The following ITPR2 variants were observed in gnomAD, a reference collection of about 807,000 sequenced individuals.
ITPR2 encodes inositol 1,4,5-trisphosphate-gated calcium channel ITPR2.
Under a neutral mutation model 317.1 loss-of-function variants are expected in ITPR2, and 207 were observed. The ratio of observed to expected loss-of-function variants is 0.65; its 90% CI spans 0.58 to 0.73. The LOEUF (loss-of-function observed/expected upper bound fraction) is 0.73. Among genes scored for constraint, ITPR2 ranks in the 30% least tolerant of loss-of-function variants. The pLI is 0.00. For synonymous variants in ITPR2, 1,156 were observed against 1,149.1 expected, an observed-to-expected ratio of 1.01 and a Z score of -0.12; for missense variants, 2,613 against 3,284.0, an observed-to-expected ratio of 0.80 and a Z score of 4.99.
At chr12:26,768,424 T>A (rs76681165) in intron 2 of ITPR2, among the ~76,000 whole-genome samples, 1 of 29,670 alleles carries the variant, frequency 3.4e-5, no homozygotes, top group Non-Finnish European at 9.7e-5. Context: ...TAAAAAAAAA[T>A]TAAAAAAAAA....
intron 37 of ITPR2, among the ~76,000 whole-genome samples, chr12:26,507,853 CTCTCTG>C (rs761094235): frequency 1.6e-3 from 176 of 107,480 alleles, no homozygotes; most frequent in Non-Finnish European, 2.8e-3. Context: ...CTACTCTTCT[CTCTCTG>C]TCTCTGTGTG....
At chr12:26,683,640 G>A (rs1195521071) in intron 11 of ITPR2, among the ~76,000 whole-genome samples, 8 of 152,228 alleles carry the variant, frequency 5.3e-5, no homozygotes, top group East Asian at 3.9e-4. Flanking sequence ...AAAATGTTGC[G>A]ACCAGAAGCT....
chr12:26,764,747 C>T (rs1565746164), intron 2 of ITPR2, among the ~76,000 whole-genome samples: 5 of 151,976 alleles, frequency 3.3e-5, no homozygotes, highest in Admixed American at 2.6e-4. Flanking sequence ...CCTGAACAGA[C>T]ACCTTACCAG....
At chr12:26,369,984 T>G (rs1163626324) in intron 55 of ITPR2, among the ~76,000 whole-genome samples, 1 of 152,192 alleles carries the variant, frequency 6.6e-6, no homozygotes, top group African/African-American at 2.4e-5. Context: ...AGAAGGGTGA[T>G]GTACCCAGAT....
At chr12:26,783,031 G>A (rs1323076820) in intron 2 of ITPR2, among the ~76,000 whole-genome samples, 1 of 152,176 alleles carries the variant, frequency 6.6e-6, no homozygotes, top group Non-Finnish European at 1.5e-5. Context: ...ACCTCCATGA[G>A]CAGAGGCAAA....
At chr12:26,372,480 T>C (rs964860065) in intron 55 of ITPR2, among the ~76,000 whole-genome samples, 3 of 152,350 alleles carry the variant, frequency 2.0e-5, no homozygotes, top group East Asian at 1.9e-4. Flanking sequence ...CAGATGAAGA[T>C]ACTGAGGTAC....
At chr12:26,514,314 G>A (rs555109747) in intron 37 of ITPR2, among the ~76,000 whole-genome samples, 3 of 152,304 alleles carry the variant, frequency 2.0e-5, no homozygotes, top group South Asian at 2.1e-4. Context: ...AAAACAAAGC[G>A]ATTACAGTAT....
intron 37 of ITPR2, among the ~76,000 whole-genome samples, chr12:26,530,476 T>C (rs1440984921): frequency 6.6e-6 from 1 of 152,242 alleles, no homozygotes; most frequent in African/African-American, 2.4e-5. Flanking sequence ...TGGAGATTTT[T>C]ACTTTCTTGA....
chr12:26,806,975 T>C (rs1236834427), intron 1 of ITPR2, among the ~76,000 whole-genome samples: 5 of 152,098 alleles, frequency 3.3e-5, no homozygotes, highest in Non-Finnish European at 7.4e-5. Flanking sequence ...GAAATATATA[T>C]ATATGCACTA....
rs544139472 is a variant in ITPR2 at position 26,534,902 on chromosome 12, T to A, written c.5073+15345A>T. Among the ~76,000 whole-genome samples, 4 of 152,366 alleles carry A rather than the reference T, an allele frequency of 2.6e-5. No individual in the cohort carries two copies. In the East Asian group the frequency reaches 7.7e-4, roughly 29 times the overall value. On this transcript the variant is annotated intron_variant, in intron 37 of 56. Coordinates refer to ENST00000381340, the MANE Select transcript of ITPR2 (RefSeq NM_002223.4). Reference sequence around the variant, plus strand: ...AACAGGGTTAGGATCAATATCTGTGTGAAGCATTTTTCATTCTTAAGGTTA... The same window carrying A: ...AACAGGGTTAGGATCAATATCTGTGAGAAGCATTTTTCATTCTTAAGGTTA...
At chr12:26,591,979 C>T (rs1945721085) in intron 32 of ITPR2, among the ~76,000 whole-genome samples, 1 of 152,120 alleles carries the variant, frequency 6.6e-6, no homozygotes, top group Admixed American at 6.5e-5. Flanking sequence ...TCACAATAGC[C>T]AAAATTTGGA....
intron 51 of ITPR2, among the ~76,000 whole-genome samples, chr12:26,412,556 C>G (rs77828937): frequency 0.02 from 3,096 of 152,180 alleles, 117 homozygotes; most frequent in African/African-American, 0.071. Flanking sequence ...GGAAGAACAA[C>G]AGTTAGCTAG....
chr12:26,357,561 T>C (rs1342965684), intron 55 of ITPR2, among the ~76,000 whole-genome samples: 5 of 152,240 alleles, frequency 3.3e-5, no homozygotes, highest in African/African-American at 9.6e-5. Context: ...TTATAGCAAA[T>C]TATTGACCAA....
At chr12:26,812,598 A>G (rs1393627956) in intron 1 of ITPR2, among the ~76,000 whole-genome samples, 1 of 152,178 alleles carries the variant, frequency 6.6e-6, no homozygotes, top group Non-Finnish European at 1.5e-5. Flanking sequence ...ACCTAATACT[A>G]ATTTTTAAAT....
intron 21 of ITPR2, among the ~76,000 whole-genome samples, chr12:26,645,808 G>A (rs1410100285): frequency 6.6e-6 from 1 of 152,182 alleles, no homozygotes; most frequent in Admixed American, 6.5e-5. Context: ...ACTGGGAAGA[G>A]TCTGTAATAG....
chr12:26,614,884 A>G (rs1434606547), intron 26 of ITPR2, among the ~76,000 whole-genome samples: 1 of 152,234 alleles, frequency 6.6e-6, no homozygotes, highest in South Asian at 2.1e-4. Flanking sequence ...TGGATACATG[A>G]CATTATGCAT....
intron 55 of ITPR2, chr12:26,373,700 G>T (rs1167123097): frequency 2.6e-5 from 4 of 152,202 alleles, no homozygotes; most frequent in Admixed American, 2.6e-4. Context: ...GATCAGAGGA[G>T]ATCGGTTGCA....
chr12:26,792,056 A>G (rs1950350649), intron 1 of ITPR2, among the ~76,000 whole-genome samples: 1 of 152,216 alleles, frequency 6.6e-6, no homozygotes, highest in African/African-American at 2.4e-5. Flanking sequence ...TGTGTGGACC[A>G]GCCATCAAGA....
intron 26 of ITPR2, among the ~76,000 whole-genome samples, chr12:26,603,342 T>C (rs945461615): frequency 3.3e-5 from 5 of 152,194 alleles, no homozygotes; most frequent in Non-Finnish European, 7.3e-5. Flanking sequence ...ACACCAAAGA[T>C]ACTTAATTAT....
Sources: gnomAD v4.1 joint callset for allele counts (sites outside exome capture counted in the v4.1 genomes callset) on GRCh38, gnomAD v4.1.1 for gene constraint, MANE v1.5 for transcripts, NCBI Gene and HGNC (gene_info 2026-07-23, HGNC 2026-07-21) for gene names.